The following KCNQ3 variants were observed in gnomAD, a reference collection of about 807,000 sequenced individuals.
The protein encoded by KCNQ3 is potassium voltage-gated channel subfamily KQT member 3.
A neutral mutation model predicts 92.5 loss-of-function variants in KCNQ3; 30 were observed. The ratio of observed to expected loss-of-function variants is 0.32; its 90% CI spans 0.24 to 0.44. The LOEUF (loss-of-function observed/expected upper bound fraction) is 0.44. Among genes scored for constraint, KCNQ3 ranks in the 20% least tolerant of loss-of-function variants. The pLI is 1.00. For missense variants in KCNQ3, 913 were observed against 1,140.3 expected (o/e 0.80, Z 2.87); for synonymous variants, 450 against 468.8 (o/e 0.96, Z 0.52).
chr8:132,421,200 T>C (rs1820956608), intron 1 of KCNQ3, among the ~76,000 whole-genome samples: 1 of 152,210 alleles, frequency 6.6e-6, no homozygotes, highest in South Asian at 2.1e-4. Flanking sequence ...TCTCTACATA[T>C]GAATAATATA....
At chr8:132,403,182 C>G (rs777094987) in intron 1 of KCNQ3, among the ~76,000 whole-genome samples, 2 of 151,920 alleles carry the variant, frequency 1.3e-5, no homozygotes, top group Non-Finnish European at 2.9e-5. Flanking sequence ...TAAAGATGCA[C>G]CAAAAAAATC....
At chr8:132,277,226 T>C (rs1338165771) in intron 1 of KCNQ3, among the ~76,000 whole-genome samples, 1 of 152,156 alleles carries the variant, frequency 6.6e-6, no homozygotes, top group Non-Finnish European at 1.5e-5. Flanking sequence ...AAACAAAAAC[T>C]GGGATTCAGA....
chr8:132,129,526 G>A lies in KCNQ3; in HGVS notation c.2355C>T (p.Asp785=), dbSNP rs753350662. Residue 785 remains aspartate (D), a synonymous_variant, in exon 15 of 15, where the codon GAC becomes GAT. Transcript: ENST00000388996. The surrounding 1 kb of genome is among the most constrained non-coding windows in gnomAD (Gnocchi z 5.9). ...SPRQRRSITR[D]SDTPLSLMSV... ...ACATCAGGGACAGAGGTGTGTCACT[G>A]TCTCGCGTGATGCTACGTCTCTGCC... The A allele has an allele frequency of 1.2e-6, 2 of 1,614,204 alleles. No individual in the cohort carries two copies. Among genetic ancestry groups the A allele is most frequent in the Middle Eastern group, 1.6e-4 (1 of 6,062 alleles).
At position 132,481,075 on chromosome 8, in the gene KCNQ3, G is replaced by C. The variant is rs1265132572; in HGVS notation, c.-543C>G. 1 of 152,456 alleles carries C rather than the reference G, an allele frequency of 6.6e-6. No individual in the cohort carries two copies. Among genetic ancestry groups the C allele is most frequent in the African/African-American group, 2.4e-5 (1 of 41,258 alleles). The allele number at this position is 152,456 out of a possible 1,614,324, so 9.4% of individuals were successfully genotyped here. ...TGTCAGCAGCAGCAGCAGCGAGCGC[G>C]CCGCGGGCCGAGAGCACGCCGCGTC... is the stretch of plus-strand genomic sequence containing the variant. On this transcript the variant is annotated 5_prime_UTR_variant, in exon 1 of 15. Coordinates refer to ENST00000388996, the MANE Select transcript of KCNQ3 (RefSeq NM_004519.4).
At position 132,241,549 on chromosome 8, in the gene KCNQ3, T is replaced by C. The variant is rs556726286; in HGVS notation, c.387-55368A>G. Among the ~76,000 whole-genome samples, 19 of 151,618 alleles carry C rather than the reference T, an allele frequency of 1.3e-4. No individual in the cohort carries two copies. In the East Asian group the frequency reaches 2.6e-3, roughly 21 times the overall value. ...ACTTTCGTCCTTAGAAAAACACTCA[T>C]TGGGCTGGGCACAGTAGCTCACACC... On this transcript the variant is annotated intron_variant, in intron 1 of 14. Transcript: ENST00000388996.
At chr8:132,232,548 G>A (rs1294484687) in intron 1 of KCNQ3, among the ~76,000 whole-genome samples, 3 of 152,212 alleles carry the variant, frequency 2.0e-5, no homozygotes, top group African/African-American at 7.2e-5. Flanking sequence ...AGCATTGGCT[G>A]TTATTTTGAC....
At chr8:132,192,943 G>A (rs1306457506) in intron 1 of KCNQ3, among the ~76,000 whole-genome samples, 3 of 152,110 alleles carry the variant, frequency 2.0e-5, no homozygotes, top group Non-Finnish European at 4.4e-5. Flanking sequence ...CACAGTGCCC[G>A]GTCTTTCTCT....
intron 1 of KCNQ3, among the ~76,000 whole-genome samples, chr8:132,391,621 G>C (rs1820049440): frequency 6.6e-6 from 1 of 152,128 alleles, no homozygotes; most frequent in Non-Finnish European, 1.5e-5. Context: ...CTCAATGAGG[G>C]AAAAGAGAGT....
At chr8:132,352,926 C>G (rs980861851) in intron 1 of KCNQ3, among the ~76,000 whole-genome samples, 3 of 152,124 alleles carry the variant, frequency 2.0e-5, no homozygotes, top group Non-Finnish European at 4.4e-5. Flanking sequence ...GGTTTGGATT[C>G]ATGGAAGGGA....
intron 9 of KCNQ3, among the ~76,000 whole-genome samples, chr8:132,152,972 A>AT (rs1351662395): frequency 6.6e-6 from 1 of 152,182 alleles, no homozygotes; most frequent in Non-Finnish European, 1.5e-5. Flanking sequence ...TCCCATCATG[A>AT]TTTTTTTAAA....
chr8:132,130,001 A>G lies in KCNQ3; in HGVS notation c.1885-5T>C. The G allele has an allele frequency of 1.9e-6, 3 of 1,612,984 alleles. No individual in the cohort carries two copies. Among genetic ancestry groups the G allele is most frequent in the Non-Finnish European group, 2.5e-6 (3 of 1,179,988 alleles). On this transcript the variant is annotated splice_polypyrimidine_tract_variant and splice_region_variant and intron_variant, in intron 14 of 14. Transcript: ENST00000388996. ...CTTCTTCCCCATGTCCTGAACCTGG[A>G]AAATCAAAGGAGCTGTGAATTACCA...
rs1057520485 is a variant in KCNQ3 at position 132,480,434 on chromosome 8, C to T, written c.99G>A (p.Ala33=). The part of the protein sequence containing the change: ...GGAANPAGGD[A]AAAGDEERKV... Reference sequence around the variant, plus strand: ...TCCGCTCCTCGTCGCCGGCCGCCGCCGCGTCCCCTCCGGCTGGGTTAGCCG... The same window carrying T: ...TCCGCTCCTCGTCGCCGGCCGCCGCTGCGTCCCCTCCGGCTGGGTTAGCCG... The change falls in exon 1 of 15, where the codon GCG becomes GCA. Residue 33 remains alanine, a synonymous_variant. Coordinates refer to ENST00000388996, the MANE Select transcript of KCNQ3 (RefSeq NM_004519.4). The T allele has an allele frequency of 4.1e-6, 6 of 1,455,304 alleles. No homozygotes were observed. Among genetic ancestry groups the T allele is most frequent in the Non-Finnish European group, 5.4e-6 (6 of 1,106,798 alleles). 90.1% of individuals were successfully genotyped at this position (1,455,304 alleles called of 1,614,324 possible). A position where few individuals can be genotyped will look rare whatever the true frequency, so the allele number is the denominator to read the frequency against.
Position 132,127,492 on chromosome 8 carries a change from A to ATAGTGCC in KCNQ3, c.*1763_*1769dup, listed in dbSNP as rs1824710049. ...TGAGGAAGTGATTCCTCTCTCCAACATAGTGCCAGACTCTCGTATTAGGAA... is the reference window on the plus strand; with the variant it reads ...TGAGGAAGTGATTCCTCTCTCCAACATAGTGCCTAGTGCCAGACTCTCGTATTAGGAA... On this transcript the variant is annotated 3_prime_UTR_variant, in exon 15 of 15. Transcript: ENST00000388996. 3 of 152,294 alleles carry ATAGTGCC rather than the reference A, an allele frequency of 2.0e-5. No homozygotes were observed. The South Asian group carries it at 6.2e-4, about 32-fold the overall frequency. The allele number at this position is 152,294 out of a possible 1,614,324, so 9.4% of individuals were successfully genotyped here. A position where few individuals can be genotyped will look rare whatever the true frequency, so the allele number is the denominator to read the frequency against.
rs1007671165 is a variant in KCNQ3 at position 132,420,931 on chromosome 8, A to G, written c.386+59216T>C. Reference sequence around the variant, plus strand: ...ATGTAGAGATGCAAAAAAAACAAAAAACAAAAAAGTTGCTTGGGTTGACAT... The same window carrying G: ...ATGTAGAGATGCAAAAAAAACAAAAGACAAAAAAGTTGCTTGGGTTGACAT... On this transcript the variant is annotated intron_variant, in intron 1 of 14. Transcript: ENST00000388996. Among the ~76,000 whole-genome samples, 18 of 152,190 alleles carry G rather than the reference A, an allele frequency of 1.2e-4. No individual in the cohort carries two copies. In the South Asian group the frequency reaches 3.3e-3, roughly 28 times the overall value.
chr8:132,187,855 ATGGTGGTGGTGGTGG>A, intron 1 of KCNQ3, among the ~76,000 whole-genome samples: 1 of 69,872 alleles, frequency 1.4e-5, no homozygotes, highest in East Asian at 4.7e-4. Flanking sequence ...GGTGGTAGTG[ATGGTGGTGGTGGTGG>A]TGATAGTGAT....
chr8:132,250,057 G>A (rs1815348712), intron 1 of KCNQ3, among the ~76,000 whole-genome samples: 1 of 152,202 alleles, frequency 6.6e-6, no homozygotes, highest in Non-Finnish European at 1.5e-5. Flanking sequence ...CTCCCCGCAA[G>A]CAGAGGGAGC....
chr8:132,292,612 G>A (rs2130558909), intron 1 of KCNQ3, among the ~76,000 whole-genome samples: 1 of 152,276 alleles, frequency 6.6e-6, no homozygotes, highest in African/African-American at 2.4e-5. Flanking sequence ...TGGAGAGTTG[G>A]ATACATGGAT....
At chr8:132,184,430 A>C in intron 2 of KCNQ3, 63 bp from the exon 3 acceptor site, 1 of 1,442,472 alleles carries the variant, frequency 6.9e-7, no homozygotes, top group Non-Finnish European at 9.3e-7. Flanking sequence ...GGAGCTGGTG[A>C]TTTCTATTCG....
intron 1 of KCNQ3, among the ~76,000 whole-genome samples, chr8:132,238,795 T>C (rs1275776282): frequency 6.6e-6 from 1 of 152,100 alleles, no homozygotes; most frequent in Non-Finnish European, 1.5e-5. Context: ...CCAGCTTGGG[T>C]TAGGGGTCCA....
Sources: allele counts gnomAD v4.1 joint callset (sites outside exome capture counted in the v4.1 genomes callset), GRCh38; gene constraint gnomAD v4.1.1; non-coding constraint Gnocchi (gnomAD v3.1); transcripts MANE v1.5; gene names NCBI Gene and HGNC (gene_info 2026-07-23, HGNC 2026-07-21).